PCDHGA3: variants seen among roughly 807,000 people sequenced by gnomAD.
The protein encoded by PCDHGA3 is protocadherin gamma subfamily A, 3.
PCDHGA3 carries 40 observed loss-of-function variants against 58.5 expected under a neutral mutation model. The observed-to-expected ratio is 0.68, with a 90% CI of 0.53 to 0.89. PCDHGA3 has a LOEUF of 0.89. PCDHGA3 is among the 40% of genes least tolerant of loss of function. The pLI, the probability that PCDHGA3 is intolerant of heterozygous loss-of-function variation, is 0.00. For missense variants in PCDHGA3, 1,223 were observed against 1,195.9 expected (o/e 1.02, Z -0.33); for synonymous variants, 530 against 525.7 (o/e 1.01, Z -0.11).
intron 1 of PCDHGA3, among the ~76,000 whole-genome samples, chr5:141,457,729 T>A (rs950979422): frequency 2.0e-5 from 3 of 152,236 alleles, no homozygotes; most frequent in Non-Finnish European, 4.4e-5. Context: ...GAATTTCAGA[T>A]TAGACTTTTA....
At chr5:141,399,291 T>A in intron 1 of PCDHGA3, 1 of 1,613,954 alleles carries the variant, frequency 6.2e-7, no homozygotes, top group East Asian at 2.2e-5. Context: ...AAGTCCCTTT[T>A]AAGATTATCT....
Position 141,431,428 on chromosome 5 carries a change from A to G in PCDHGA3, c.2425-63379A>G. The stretch of plus-strand genomic sequence containing the variant: ...CCGACGGGGGCGACCCGGTGCGCAC[A>G]GGCACCGCGCGCATCCGCGTGATGG... On this transcript the variant is annotated intron_variant, in intron 1 of 3. Transcript: ENST00000253812. This position sits in a 1 kb window ranked among gnomAD's most constrained non-coding sequence, Gnocchi z 4.8. The G allele has an allele frequency of 6.2e-7, 1 of 1,613,664 alleles. No individual in the cohort carries two copies. Among genetic ancestry groups the G allele is most frequent in the Non-Finnish European group, 8.5e-7 (1 of 1,179,998 alleles).
intron 1 of PCDHGA3, chr5:141,375,967 G>A (rs200712802): frequency 2.6e-5 from 42 of 1,613,250 alleles, no homozygotes; most frequent in Non-Finnish European, 3.5e-5. Flanking sequence ...AGGTGCGCAC[G>A]GCGCGCGCCC....
intron 1 of PCDHGA3, chr5:141,362,301 T>C: frequency 6.2e-7 from 1 of 1,614,082 alleles, no homozygotes; most frequent in South Asian, 1.1e-5. Context: ...CCAGGTCAGA[T>C]GCTTGGGACT....
intron 1 of PCDHGA3, among the ~76,000 whole-genome samples, chr5:141,368,131 T>G (rs1463973609): frequency 6.6e-6 from 1 of 152,198 alleles, no homozygotes; most frequent in Non-Finnish European, 1.5e-5. Flanking sequence ...TTCTTAATCC[T>G]TCAAATTTTG....
At chr5:141,468,382 G>T (rs1247387630) in intron 1 of PCDHGA3, 1 of 151,194 alleles carries the variant, frequency 6.6e-6, no homozygotes, top group Non-Finnish European at 1.5e-5. Context: ...GCCATACAAG[G>T]CTACCCATTT....
At chr5:141,410,544 G>A (rs1370251538) in intron 1 of PCDHGA3, 3 of 1,613,640 alleles carry the variant, frequency 1.9e-6, no homozygotes, top group Non-Finnish European at 2.5e-6. Flanking sequence ...GACATGGTTT[G>A]CAGTGTTTCT....
intron 1 of PCDHGA3, chr5:141,398,582 T>A: frequency 6.2e-7 from 1 of 1,614,000 alleles, no homozygotes. Context: ...GGCACAAGAT[T>A]TATACTAGAA....
At chr5:141,502,169 G>A (rs1366413076) in intron 2 of PCDHGA3, among the ~76,000 whole-genome samples, 1 of 152,110 alleles carries the variant, frequency 6.6e-6, no homozygotes, top group African/African-American at 2.4e-5. Flanking sequence ...ATTCAGTTGA[G>A]GAATTTAACA....
intron 1 of PCDHGA3, among the ~76,000 whole-genome samples, chr5:141,450,062 A>G (rs546772416): frequency 1.1e-4 from 15 of 142,322 alleles, no homozygotes; most frequent in African/African-American, 4.0e-4. Flanking sequence ...GCTGGAATGC[A>G]GTGGTATGAT....
intron 1 of PCDHGA3, chr5:141,372,327 A>G (rs1768669184): frequency 3.7e-6 from 6 of 1,613,586 alleles, no homozygotes; most frequent in Admixed American, 1.7e-5. Flanking sequence ...CCTGCTGGTC[A>G]CTGTGCGTGA....
At chr5:141,478,239 C>G in intron 1 of PCDHGA3, 1 of 1,614,132 alleles carries the variant, frequency 6.2e-7, no homozygotes. Flanking sequence ...TTTGTGGTCA[C>G]AGTGTTCGGA....
At chr5:141,409,729 G>A (rs781234442) in intron 1 of PCDHGA3, 161 of 1,612,966 alleles carry the variant, frequency 1.0e-4, no homozygotes, top group Non-Finnish European at 1.7e-6. Context: ...CAGTGAGCGC[G>A]CAGAGCGGGG....
chr5:141,422,807 G>C (rs199507728), intron 1 of PCDHGA3: 7 of 1,614,198 alleles, frequency 4.3e-6, no homozygotes, highest in Non-Finnish European at 5.9e-6. Context: ...GAGCAGTTTC[G>C]AGACTTAGAA....
At chr5:141,369,987 G>T (rs1363490934) in intron 1 of PCDHGA3, among the ~76,000 whole-genome samples, 1 of 152,174 alleles carries the variant, frequency 6.6e-6, no homozygotes, top group Non-Finnish European at 1.5e-5. Context: ...GATTTGGATG[G>T]ATAAAGCTCA....
intron 1 of PCDHGA3, among the ~76,000 whole-genome samples, chr5:141,468,306 C>T (rs1006015063): frequency 9.5e-6 from 1 of 105,260 alleles, no homozygotes; most frequent in African/African-American, 3.7e-5. Context: ...GCCTGGGCAA[C>T]AAGAGCAACG....
chr5:141,413,302 T>C (rs746274089), intron 1 of PCDHGA3: 2 of 1,613,960 alleles, frequency 1.2e-6, no homozygotes, highest in Non-Finnish European at 8.5e-7. Context: ...TCCTGAGGAA[T>C]TAGAGAAAGG....
chr5:141,390,105 T>C (rs2092048923), intron 1 of PCDHGA3: 4 of 1,614,052 alleles, frequency 2.5e-6, no homozygotes, highest in African/African-American at 1.3e-5. Flanking sequence ...TCCCCCCAAC[T>C]ACAGCGAGGG....
intron 1 of PCDHGA3, chr5:141,400,422 T>C (rs1460679509): frequency 1.2e-6 from 2 of 1,613,936 alleles, no homozygotes; most frequent in Non-Finnish European, 1.7e-6. Flanking sequence ...TCCTAAAATG[T>C]AGTGAGCAAT....
Sources: allele counts gnomAD v4.1 joint callset (sites outside exome capture counted in the v4.1 genomes callset), GRCh38; gene constraint gnomAD v4.1.1; non-coding constraint Gnocchi (gnomAD v3.1); transcripts MANE v1.5; gene names NCBI Gene and HGNC (gene_info 2026-07-23, HGNC 2026-07-21).